Variants in UBR3 observed in about 807,000 individuals in gnomAD.
The protein encoded by UBR3 is E3 ubiquitin-protein ligase UBR3.
Under a neutral mutation model 243.2 loss-of-function variants are expected in UBR3, and 85 were observed. The ratio of observed to expected loss-of-function variants is 0.35; its 90% CI spans 0.29 to 0.42. UBR3 has a LOEUF of 0.42. Ranked by LOEUF, UBR3 falls within the 10% of genes least tolerant of loss-of-function variation. The pLI is 1.00. For synonymous variants in UBR3, 748 were observed against 799.8 expected (o/e 0.94, Z 1.09); for missense variants, 1,686 against 2,300.8 (o/e 0.73, Z 5.47).
At chr2:169,993,563 T>C (rs1346318947) in intron 25 of UBR3, among the ~76,000 whole-genome samples, 2 of 152,186 alleles carry the variant, frequency 1.3e-5, no homozygotes, top group Non-Finnish European at 2.9e-5. Context: ...GTTACTAGAT[T>C]GAAGTTAAAC....
chr2:170,076,430 A>G (rs2091811612), intron 36 of UBR3, among the ~76,000 whole-genome samples: 1 of 152,124 alleles, frequency 6.6e-6, no homozygotes, highest in African/African-American at 2.4e-5. Flanking sequence ...GACTTTCCCA[A>G]ATAAGCAACC....
chr2:169,886,937 T>A (rs1421123690), intron 5 of UBR3, among the ~76,000 whole-genome samples: 4 of 152,232 alleles, frequency 2.6e-5, no homozygotes, highest in Non-Finnish European at 5.9e-5. Context: ...TATTAAATAT[T>A]CCTTCTAGCC....
intron 32 of UBR3, among the ~76,000 whole-genome samples, chr2:170,052,151 G>A (rs970525782): frequency 2.1e-4 from 32 of 152,076 alleles, no homozygotes; most frequent in Non-Finnish European, 5.9e-5. Context: ...ACGTCTATGA[G>A]ATACCACCAT....
chr2:169,857,081 T>TTTG (rs2082910343), intron 1 of UBR3, among the ~76,000 whole-genome samples: 1 of 129,686 alleles, frequency 7.7e-6, no homozygotes, highest in Non-Finnish European at 1.6e-5. Context: ...TTTTTTTTTT[T>TTTG]TTTTTTTTTT....
chr2:169,911,346 A>G (rs1002763999), intron 10 of UBR3, among the ~76,000 whole-genome samples: 12 of 152,214 alleles, frequency 7.9e-5, no homozygotes, highest in Admixed American at 7.8e-4. Flanking sequence ...GCACTTAACT[A>G]TTTGTCAGAC....
rs1416546333 is a variant in UBR3, at chr2:169,925,662, GT to G, written c.2067del (p.Leu690CysfsTer8). ...EIHSNMWVRNGLQIKGQAMTY... is the reference protein window; with the variant it reads ...EIHSNMWVRNXLQIKGQAMTY... ...CACAGCAATATGTGGGTAAGAAATGGTCTGCAAATCAAAGGACAAGCCATGA... is the reference window on the plus strand; with the variant it reads ...CACAGCAATATGTGGGTAAGAAATGGCTGCAAATCAAAGGACAAGCCATGA... On this transcript the variant is annotated frameshift_variant, in exon 14 of 39. Transcript: ENST00000272793. LOFTEE classifies it high-confidence loss of function. 1 of 1,551,074 alleles carries G rather than the reference GT, an allele frequency of 6.4e-7. No homozygotes were observed. The highest frequency in any genetic ancestry group is 8.7e-7 in the Non-Finnish European group (1 of 1,146,676).
At chr2:169,883,266 C>T (rs1330238255) in intron 5 of UBR3, among the ~76,000 whole-genome samples, 4 of 152,112 alleles carry the variant, frequency 2.6e-5, no homozygotes, top group African/African-American at 9.7e-5. Context: ...TGCTGACCAT[C>T]CGAGAACTCA....
In UBR3 at chr2:170,009,591, C is replaced by T. The variant is rs185532638; in HGVS notation, c.4367+651C>T. On this transcript the variant is annotated intron_variant, in intron 29 of 38. Coordinates refer to ENST00000272793, the MANE Select transcript of UBR3 (RefSeq NM_172070.4). ...GAAAACTTGAGTGAAAATGCAGAAC[C>T]ATAAAAGCAGTAAATAGAGGAAAAA... is the stretch of plus-strand genomic sequence containing the variant. Among the ~76,000 whole-genome samples the T allele has an allele frequency of 1.6e-4, 25 of 152,146 alleles. No homozygotes were observed. In the East Asian group the frequency reaches 4.8e-3, roughly 29 times the overall value.
At chr2:169,994,232 T>C in intron 25 of UBR3, 91 bp from the exon 26 acceptor site, 2 of 1,421,144 alleles carry the variant, frequency 1.4e-6, no homozygotes, top group Non-Finnish European at 1.9e-6. Flanking sequence ...ATAATTTGAG[T>C]TGCTTGTGGT....
intron 27 of UBR3, among the ~76,000 whole-genome samples, chr2:170,006,057 G>A (rs2089900954): frequency 6.6e-6 from 1 of 152,074 alleles, no homozygotes; most frequent in Non-Finnish European, 1.5e-5. Context: ...AGAGTATCTA[G>A]CATTCTTTGG....
chr2:169,993,790 A>G (rs1266575612), intron 25 of UBR3, among the ~76,000 whole-genome samples: 14 of 152,136 alleles, frequency 9.2e-5, no homozygotes, highest in Admixed American at 5.9e-4. Flanking sequence ...GTATTGTATT[A>G]TCTATTACTA....
At chr2:170,072,122 C>A (rs1246018240) in intron 35 of UBR3, among the ~76,000 whole-genome samples, 1 of 152,010 alleles carries the variant, frequency 6.6e-6, no homozygotes, top group Non-Finnish European at 1.5e-5. Flanking sequence ...CATATGCACA[C>A]ATATGTTTAT....
chr2:170,040,795 G>T, intron 31 of UBR3, 87 bp from the exon 32 acceptor site: 4 of 1,020,120 alleles, frequency 3.9e-6, no homozygotes, highest in Non-Finnish European at 5.5e-6. Flanking sequence ...TTTTATTTCT[G>T]TTCCATAGAT....
At chr2:169,946,609 G>A (rs898227989) in intron 21 of UBR3, among the ~76,000 whole-genome samples, 2 of 151,948 alleles carry the variant, frequency 1.3e-5, no homozygotes, top group Non-Finnish European at 1.5e-5. Context: ...CTTCAAATAC[G>A]TACAGTTTTT....
At chr2:170,074,064 C>T (rs1313093152) in intron 36 of UBR3, among the ~76,000 whole-genome samples, 6 of 152,122 alleles carry the variant, frequency 3.9e-5, no homozygotes, top group Non-Finnish European at 7.4e-5. Flanking sequence ...AGAGTGGGAA[C>T]AGCAGTGAGT....
At chr2:170,009,209 T>C (rs1466782154) in intron 29 of UBR3, among the ~76,000 whole-genome samples, 2 of 152,134 alleles carry the variant, frequency 1.3e-5, no homozygotes, top group Non-Finnish European at 2.9e-5. Flanking sequence ...GGCAGATATG[T>C]ACCTCGAACA....
intron 1 of UBR3, among the ~76,000 whole-genome samples, chr2:169,870,919 G>A (rs1054721216): frequency 6.6e-6 from 1 of 151,118 alleles, no homozygotes; most frequent in Non-Finnish European, 1.5e-5. Flanking sequence ...CTCCCAAAGT[G>A]CTGGGATTAC....
At chr2:170,012,635 CT>C (rs1477636375) in intron 29 of UBR3, among the ~76,000 whole-genome samples, 1 of 149,902 alleles carries the variant, frequency 6.7e-6, no homozygotes, top group East Asian at 2.0e-4. Flanking sequence ...TGAATTGCCT[CT>C]TGTATAATAT....
At chr2:169,902,890 G>A (rs769643062) in intron 8 of UBR3, among the ~76,000 whole-genome samples, 5 of 152,146 alleles carry the variant, frequency 3.3e-5, no homozygotes, top group South Asian at 2.1e-4. Context: ...GATTACAGGC[G>A]TGAGCCACCA....
Sources: allele counts gnomAD v4.1 joint callset (sites outside exome capture counted in the v4.1 genomes callset), GRCh38; gene constraint gnomAD v4.1.1; transcripts MANE v1.5; gene names NCBI Gene and HGNC (gene_info 2026-07-23, HGNC 2026-07-21).